RYR2: variants seen among roughly 807,000 people sequenced by gnomAD.
RYR2 encodes the protein ryanodine receptor 2, also known as cardiac muscle ryanodine receptor-calcium release channel.
Under a neutral mutation model 601.1 loss-of-function variants are expected in RYR2, and 227 were observed. The ratio of observed to expected loss-of-function variants is 0.38; its 90% CI spans 0.34 to 0.42. The LOEUF is 0.42. Among genes scored for constraint, RYR2 ranks in the 10% least tolerant of loss-of-function variants. The pLI is 1.00. For synonymous variants in RYR2, 2,223 were observed against 2,175.1 expected (o/e 1.02, Z -0.61); for missense variants, 4,646 against 6,156.5 (o/e 0.75, Z 8.21).
chr1:237,246,726 C>T (rs115693475), intron 1 of RYR2, among the ~76,000 whole-genome samples: 1,995 of 145,266 alleles, frequency 0.014, 53 homozygotes, highest in African/African-American at 0.046. Flanking sequence ...TTGAATCTTC[C>T]TCTCCTTTCA....
intron 17 of RYR2, chr1:237,471,321 A>C (rs945320352): frequency 2.6e-5 from 4 of 152,218 alleles, no homozygotes; most frequent in Non-Finnish European, 5.9e-5. Flanking sequence ...TTAGAAAAGA[A>C]CATGATTTTG....
At chr1:237,634,846 C>A in intron 43 of RYR2, 43 bp from the exon 44 acceptor site, 1 of 1,456,870 alleles carries the variant, frequency 6.9e-7, no homozygotes, top group Non-Finnish European at 9.5e-7. Context: ...TTTATAGTTA[C>A]AGCACGATCC....
At chr1:237,093,837 G>C (rs1187138380) in intron 1 of RYR2, among the ~76,000 whole-genome samples, 1 of 152,196 alleles carries the variant, frequency 6.6e-6, no homozygotes, top group African/African-American at 2.4e-5. Flanking sequence ...TGTGTTTCCT[G>C]GGGTTCTTCT....
rs1291609123 is a variant in RYR2 at position 237,657,574 on chromosome 1, A to G, written c.8130-370A>G. 2.6e-5 allele frequency among the ~76,000 whole-genome samples: 4 copies of G among 151,908 alleles called. No homozygotes were observed. The East Asian group carries it at 7.7e-4, about 29-fold the overall frequency. On this transcript the variant is annotated intron_variant, in intron 53 of 104. Transcript: ENST00000366574. ...GGACCATGTATATTTAAAAATTTTAACACATCACTACTAAATTTAGTGCTT... is the reference window on the plus strand; with the variant it reads ...GGACCATGTATATTTAAAAATTTTAGCACATCACTACTAAATTTAGTGCTT...
intron 24 of RYR2, among the ~76,000 whole-genome samples, chr1:237,515,259 A>G (rs1666304905): frequency 6.6e-6 from 1 of 152,236 alleles, no homozygotes; most frequent in South Asian, 2.1e-4. Flanking sequence ...TCCGAATTCC[A>G]GATCTTAATT....
At chr1:237,221,894 G>A (rs1245357043) in intron 1 of RYR2, among the ~76,000 whole-genome samples, 1 of 152,064 alleles carries the variant, frequency 6.6e-6, no homozygotes, top group East Asian at 1.9e-4. Context: ...TGACATCATA[G>A]TCTTTCAACT....
At chr1:237,140,085 A>G (rs1457272086) in intron 1 of RYR2, among the ~76,000 whole-genome samples, 2 of 152,254 alleles carry the variant, frequency 1.3e-5, no homozygotes, top group African/African-American at 4.8e-5. Flanking sequence ...AAATCTAAAA[A>G]AAGAAATCAG....
Position 237,042,380 on chromosome 1 carries a change from G to T in RYR2, c.-142G>T, listed in dbSNP as rs1234888806. Reference sequence around the variant, plus strand: ...CTCCTCCGCTCTGCAGGCGGGGACCGCCCGGCGCTCGGCACCCGGCAGCGC... The same window carrying T: ...CTCCTCCGCTCTGCAGGCGGGGACCTCCCGGCGCTCGGCACCCGGCAGCGC... On this transcript the variant is annotated 5_prime_UTR_variant, in exon 1 of 105. Coordinates refer to ENST00000366574, the MANE Select transcript of RYR2 (RefSeq NM_001035.3). 6.2e-6 allele frequency: 5 copies of T among 812,954 alleles called. No individual in the cohort carries two copies. In the East Asian group the frequency reaches 1.8e-4, roughly 30 times the overall value. 50.4% of individuals were successfully genotyped at this position (812,954 alleles called of 1,614,324 possible). A position where few individuals can be genotyped will look rare whatever the true frequency, so the allele number is the denominator to read the frequency against.
intron 80 of RYR2, among the ~76,000 whole-genome samples, chr1:237,746,985 A>T (rs991956697): frequency 1.1e-4 from 17 of 152,128 alleles, no homozygotes; most frequent in South Asian, 4.1e-4. Flanking sequence ...TGATTTTATT[A>T]AAAAAACTCA....
chr1:237,374,867 A>G, intron 7 of RYR2, 72 bp downstream of exon 7: 1 of 1,136,766 alleles, frequency 8.8e-7, no homozygotes, highest in South Asian at 1.4e-5. Context: ...AGAAGCCGGG[A>G]AATACGATAC....
intron 62 of RYR2, among the ~76,000 whole-genome samples, chr1:237,683,022 C>T (rs180842152): frequency 3.3e-5 from 5 of 152,132 alleles, no homozygotes; most frequent in South Asian, 2.1e-4. Context: ...ATAATACTTT[C>T]GGAAAATGAT....
Position 237,303,292 on chromosome 1 carries a change from C to CTTTT in RYR2, c.169-27564_169-27561dup, listed in dbSNP as rs386370109. ...CATATGAAGATAGCTCTGCGGTTAT[C>CTTTT]TTTTTTTTTTTTTTTTTTTTTTTTT... is the stretch of plus-strand genomic sequence containing the variant. On this transcript the variant is annotated intron_variant, in intron 2 of 104. Coordinates refer to ENST00000366574, the MANE Select transcript of RYR2 (RefSeq NM_001035.3). 3.5e-3 allele frequency among the ~76,000 whole-genome samples: 302 copies of CTTTT among 85,260 alleles called. 13 individuals are homozygous for CTTTT. The highest frequency in any genetic ancestry group is 9.1e-3 in the African/African-American group (190 of 20,902). 55.9% of individuals were successfully genotyped at this position (85,260 alleles called of 152,430 possible). A position where few individuals can be genotyped will look rare whatever the true frequency, so the allele number is the denominator to read the frequency against.
At chr1:237,590,510 C>G (rs749531747) in intron 30 of RYR2, 130 bp from the exon 31 acceptor site, 37 of 656,552 alleles carry the variant, frequency 5.6e-5, no homozygotes, top group Non-Finnish European at 4.3e-5. Flanking sequence ...GTTTAATCAT[C>G]TCTTACAAAA....
chr1:237,062,390 A>G (rs565786004), intron 1 of RYR2, among the ~76,000 whole-genome samples: 119 of 152,250 alleles, frequency 7.8e-4, no homozygotes, highest in African/African-American at 2.7e-3. Context: ...TCTTTTATAT[A>G]TTTAGATATT....
chr1:237,705,486 C>G lies in RYR2; in HGVS notation c.9580+143C>G, dbSNP rs536115511. 4.2e-4 allele frequency: 289 copies of G among 683,660 alleles called. 1 individual carries two copies. Among genetic ancestry groups the G allele is most frequent in the Admixed American group, 1.0e-3 (36 of 36,096 alleles). The allele number at this position is 683,660 out of a possible 1,614,324, so 42.3% of individuals were successfully genotyped here. A position where few individuals can be genotyped will look rare whatever the true frequency, so the allele number is the denominator to read the frequency against. On this transcript the variant is annotated intron_variant, in intron 67 of 104. Coordinates refer to ENST00000366574, the MANE Select transcript of RYR2 (RefSeq NM_001035.3). ...TTCTTAAATGTTATTGTTTGGTATT[C>G]TATGTGATGTACCCTGTGATAGATG...
chr1:237,110,617 C>T (rs1669364974), intron 1 of RYR2, among the ~76,000 whole-genome samples: 2 of 152,124 alleles, frequency 1.3e-5, no homozygotes, highest in African/African-American at 2.4e-5. Context: ...GGTTTGGAGT[C>T]TGCACTTTGA....
At chr1:237,394,936 T>G (rs1000694000) in intron 10 of RYR2, among the ~76,000 whole-genome samples, 4 of 152,096 alleles carry the variant, frequency 2.6e-5, no homozygotes, top group Admixed American at 2.6e-4. Flanking sequence ...GAGGCATGTT[T>G]TACGTGGCTG....
chr1:237,598,351 A>G (rs1030695404), intron 34 of RYR2, among the ~76,000 whole-genome samples: 2 of 152,238 alleles, frequency 1.3e-5, no homozygotes, highest in African/African-American at 4.8e-5. Flanking sequence ...CAACAGATGT[A>G]TAGCTGAAGA....
intron 1 of RYR2, among the ~76,000 whole-genome samples, chr1:237,082,944 A>C (rs998688223): frequency 6.6e-6 from 1 of 152,118 alleles, no homozygotes; most frequent in African/African-American, 2.4e-5. Flanking sequence ...AAGACTTGGA[A>C]ATTTTTAACA....
Sources: allele counts gnomAD v4.1 joint callset (sites outside exome capture counted in the v4.1 genomes callset), GRCh38; gene constraint gnomAD v4.1.1; transcripts MANE v1.5; gene names NCBI Gene and HGNC (gene_info 2026-07-23, HGNC 2026-07-21).